EVX2: variants seen among roughly 807,000 people sequenced by gnomAD.
The protein encoded by EVX2 is even-skipped homeobox 2, also known as homeobox even-skipped homolog protein 2.
In EVX2, 10 loss-of-function variants were observed where a neutral mutation model predicts 19.2. The ratio of observed to expected loss-of-function variants is 0.52; its 90% CI spans 0.32 to 0.89. The LOEUF (loss-of-function observed/expected upper bound fraction) is 0.89. Ranked by LOEUF, EVX2 falls within the 40% of genes least tolerant of loss-of-function variation. The pLI, the probability that EVX2 is intolerant of heterozygous loss-of-function variation, is 0.03. For synonymous variants in EVX2, 354 were observed against 328.4 expected, an observed-to-expected ratio of 1.08 and a Z score of -0.84; for missense variants, 710 against 694.9, an observed-to-expected ratio of 1.02 and a Z score of -0.24.
chr2:176,078,486 T>C lies in EVX2; in HGVS notation c.*1621A>G, dbSNP rs1203686445. The C allele has an allele frequency of 6.6e-6, 1 of 152,192 alleles. No individual in the cohort carries two copies. The highest frequency in any genetic ancestry group is 1.5e-5 in the Non-Finnish European group (1 of 68,036). The allele number at this position is 152,192 out of a possible 1,614,324, so 9.4% of individuals were successfully genotyped here. A position where few individuals can be genotyped will look rare whatever the true frequency, so the allele number is the denominator to read the frequency against. ...CTCTGCGGGGAGCATTATGGAAATA[T>C]CTGGGCTTGATTTAATGAGGCTGTT... On this transcript the variant is annotated 3_prime_UTR_variant, in exon 3 of 3. Transcript: ENST00000308618.
At position 176,081,085 on chromosome 2, in the gene EVX2, A is replaced by G. The variant is rs1689140897; in HGVS notation, c.700-247T>C. 1.3e-5 allele frequency among the ~76,000 whole-genome samples: 2 copies of G among 152,098 alleles called. No homozygotes were observed. Among genetic ancestry groups the G allele is most frequent in the Admixed American group, 6.5e-5 (1 of 15,276 alleles). ...CCGCGTCCGGCTGCTGCTGCTCCTC[A>G]GGCTTTTATTCCCTTACTTCTTGCT... On this transcript the variant is annotated intron_variant, in intron 2 of 2. Transcript: ENST00000308618. The surrounding 1 kb of genome is among the most constrained non-coding windows in gnomAD (Gnocchi z 5.9).
rs1689117748 is a variant in EVX2, at chr2:176,080,282, C to T, written c.1256G>A (p.Gly419Asp). 4 of 1,302,270 alleles carry T rather than the reference C, an allele frequency of 3.1e-6. No individual in the cohort carries two copies. Among genetic ancestry groups the T allele is most frequent in the Non-Finnish European group, 3.9e-6 (4 of 1,023,696 alleles). The allele number at this position is 1,302,270 out of a possible 1,614,324, so 80.7% of individuals were successfully genotyped here. Reference sequence around the variant, plus strand: ...CCCGCCGCCGCCGCCACCACCACCACCGCCGCCGCCACCGCCACCCCGGGA... The same window carrying T: ...CCCGCCGCCGCCGCCACCACCACCATCGCCGCCGCCACCGCCACCCCGGGA... ...LGSRGGGGGG[G>D]GGGGGGGGGA... Residue 419 changes from glycine (G) to aspartate (D), a missense_variant, in exon 3 of 3, where the codon GGT becomes GAT. By Grantham distance (94) the Gly-to-Asp change is moderately conservative. Coordinates refer to ENST00000308618, the MANE Select transcript of EVX2 (RefSeq NM_001080458.2). This position sits in a 1 kb window ranked among gnomAD's most constrained non-coding sequence, Gnocchi z 7.0.
chr2:176,079,999 G>A lies in EVX2; in HGVS notation c.*108C>T. 1 of 1,238,996 alleles carries A rather than the reference G, an allele frequency of 8.1e-7. No individual in the cohort carries two copies. Among genetic ancestry groups the A allele is most frequent in the Non-Finnish European group, 1.0e-6 (1 of 972,936 alleles). 76.8% of individuals were successfully genotyped at this position (1,238,996 alleles called of 1,614,324 possible). A position where few individuals can be genotyped will look rare whatever the true frequency, so the allele number is the denominator to read the frequency against. ...CCTCCCGCGCCCCGGGGCGCCCCCT[G>A]GCGGCAGCGGCAGCAGCGGGCAACG... is the stretch of plus-strand genomic sequence containing the variant. On this transcript the variant is annotated 3_prime_UTR_variant, in exon 3 of 3. Transcript: ENST00000308618. The surrounding 1 kb of genome is among the most constrained non-coding windows in gnomAD (Gnocchi z 4.4).
chr2:176,083,434 T>A lies in EVX2; in HGVS notation c.343A>T (p.Ser115Cys). The change falls in exon 1 of 3, where the codon AGC becomes TGC. Residue 115 changes from serine (S) to cysteine (C), a missense_variant. Ser to Cys is a moderately radical substitution (Grantham distance 112). Transcript: ENST00000308618. The surrounding 1 kb of genome is among the most constrained non-coding windows in gnomAD (Gnocchi z 4.4). ...YSEAAAEADM[S>C]SDVEVGCSAL... The stretch of plus-strand genomic sequence containing the variant: ...GAGCAGCCCACCTCCACGTCGCTGC[T>A]CATGTCGGCCTCAGCGGCCGCCTCT... 1 of 1,613,954 alleles carries A rather than the reference T, an allele frequency of 6.2e-7. No homozygotes were observed.
In EVX2 at chr2:176,080,103, G is replaced by C. The variant is rs1689109278; in HGVS notation, c.*4C>G. On this transcript the variant is annotated 3_prime_UTR_variant, in exon 3 of 3. Coordinates refer to ENST00000308618, the MANE Select transcript of EVX2 (RefSeq NM_001080458.2). The surrounding 1 kb of genome is among the most constrained non-coding windows in gnomAD (Gnocchi z 7.0). ...GGCGCGGCCCCCTGGCGGTGGCGAC[G>C]TAGTTATCTGGTGAGCGGAGCCTCG... 6.5e-7 allele frequency: 1 copy of C among 1,534,776 alleles called. No individual in the cohort carries two copies. The highest frequency in any genetic ancestry group is 8.7e-7 in the Non-Finnish European group (1 of 1,144,952).
Position 176,083,019 on chromosome 2 carries a change from CT to C in EVX2, c.427+330del, listed in dbSNP as rs1200460817. ...AGTTCAGAGTAGTTGCCCAGGGTAC[CT>C]TTCCCAAAAGCAACTCGGCTGCTGA... is the stretch of plus-strand genomic sequence containing the variant. On this transcript the variant is annotated intron_variant, in intron 1 of 2. Transcript: ENST00000308618. This position sits in a 1 kb window ranked among gnomAD's most constrained non-coding sequence, Gnocchi z 4.4. Among the ~76,000 whole-genome samples, 1 of 152,248 alleles carries C rather than the reference CT, an allele frequency of 6.6e-6. No individual in the cohort carries two copies. The highest frequency in any genetic ancestry group is 1.5e-5 in the Non-Finnish European group (1 of 68,044).
Position 176,083,366 on chromosome 2 carries a change from C to T in EVX2, c.411G>A (p.Lys137=), listed in dbSNP as rs1211164771. 1.3e-5 allele frequency: 21 copies of T among 1,597,436 alleles called. No homozygotes were observed. Among genetic ancestry groups the T allele is most frequent in the Non-Finnish European group, 1.8e-5 (21 of 1,171,494 alleles). Residue 137 remains lysine, a synonymous_variant, in exon 1 of 3, where the codon AAG becomes AAA. Transcript: ENST00000308618. This position sits in a 1 kb window ranked among gnomAD's most constrained non-coding sequence, Gnocchi z 4.4. ...CGCGGTTACCTTTGCCATTGTTTTC[C>T]TTAAGCTGAGCGGCGCCGAGGCCCC... is the stretch of plus-strand genomic sequence containing the variant. ...SPGGLGAAQL[K]ENNGKGYAES... is the part of the protein sequence containing the mutation.
Position 176,081,919 on chromosome 2 carries a change from G to A in EVX2, c.699+259C>T, listed in dbSNP as rs1013305823. 6.6e-6 allele frequency among the ~76,000 whole-genome samples: 1 copy of A among 152,228 alleles called. No individual in the cohort carries two copies. The highest frequency in any genetic ancestry group is 1.5e-5 in the Non-Finnish European group (1 of 68,040). On this transcript the variant is annotated intron_variant, in intron 2 of 2. Coordinates refer to ENST00000308618, the MANE Select transcript of EVX2 (RefSeq NM_001080458.2). This position sits in a 1 kb window ranked among gnomAD's most constrained non-coding sequence, Gnocchi z 5.9. Reference sequence around the variant, plus strand: ...TGGGCGAGGGGGCATCTGGCCAGGCGTTGGGCACAATGGAGCAGGGGCGAG... The same window carrying A: ...TGGGCGAGGGGGCATCTGGCCAGGCATTGGGCACAATGGAGCAGGGGCGAG...
chr2:176,083,378 G>A lies in EVX2; in HGVS notation c.399C>T (p.Ala133=), dbSNP rs774210172. The change falls in exon 1 of 3, where the codon GCC becomes GCT. Residue 133 remains alanine, a synonymous_variant. Transcript: ENST00000308618. The surrounding 1 kb of genome is among the most constrained non-coding windows in gnomAD (Gnocchi z 4.4). ...TGCCATTGTTTTCCTTAAGCTGAGC[G>A]GCGCCGAGGCCCCCGGGGGAGCGAA... ...SALRSPGGLG[A]AQLKENNGKG... 5 of 1,606,100 alleles carry A rather than the reference G, an allele frequency of 3.1e-6. No individual in the cohort carries two copies. In the African/African-American group the frequency reaches 4.0e-5, roughly 13 times the overall value.
Position 176,082,549 on chromosome 2 carries a change from T to C in EVX2, c.428-100A>G. ...GGGGAAGCCCCGTCAGGAAGGAGAG[T>C]CGCTGCCGGAATTGATGGGGTCTGT... On this transcript the variant is annotated intron_variant, in intron 1 of 2. Coordinates refer to ENST00000308618, the MANE Select transcript of EVX2 (RefSeq NM_001080458.2). The surrounding 1 kb of genome is among the most constrained non-coding windows in gnomAD (Gnocchi z 5.2). 1 of 1,387,720 alleles carries C rather than the reference T, an allele frequency of 7.2e-7. No individual in the cohort carries two copies. Among genetic ancestry groups the C allele is most frequent in the South Asian group, 1.5e-5 (1 of 68,224 alleles). 86.0% of individuals were successfully genotyped at this position (1,387,720 alleles called of 1,614,324 possible).
In EVX2 at chr2:176,081,189, C is replaced by CA. The variant is rs1689143429; in HGVS notation, c.700-352dup. On this transcript the variant is annotated intron_variant, in intron 2 of 2. Coordinates refer to ENST00000308618, the MANE Select transcript of EVX2 (RefSeq NM_001080458.2). This position sits in a 1 kb window ranked among gnomAD's most constrained non-coding sequence, Gnocchi z 5.9. ...CCGGTCTCGCTGAGCACCCGTCTCT[C>CA]AATCCCAGGATTTGTACGGGGATTC... Among the ~76,000 whole-genome samples, 1 of 152,204 alleles carries CA rather than the reference C, an allele frequency of 6.6e-6. No homozygotes were observed. The highest frequency in any genetic ancestry group is 2.1e-4 in the South Asian group (1 of 4,828).
In EVX2 at chr2:176,080,065, A is replaced by C. The variant is rs1448828040; in HGVS notation, c.*42T>G. 6.6e-7 allele frequency: 1 copy of C among 1,510,510 alleles called. No individual in the cohort carries two copies. The highest frequency in any genetic ancestry group is 8.9e-7 in the Non-Finnish European group (1 of 1,129,082). The allele number at this position is 1,510,510 out of a possible 1,614,324, so 93.6% of individuals were successfully genotyped here. A position where few individuals can be genotyped will look rare whatever the true frequency, so the allele number is the denominator to read the frequency against. ...GGGCGCACAGGGGACTCCCGGGCAC[A>C]CTCAGAGAGGCGGGCGCGGCCCCCT... On this transcript the variant is annotated 3_prime_UTR_variant, in exon 3 of 3. Coordinates refer to ENST00000308618, the MANE Select transcript of EVX2 (RefSeq NM_001080458.2). This position sits in a 1 kb window ranked among gnomAD's most constrained non-coding sequence, Gnocchi z 7.0.
chr2:176,080,099 C>A lies in EVX2; in HGVS notation c.*8G>T. 1.3e-6 allele frequency: 2 copies of A among 1,525,362 alleles called. No individual in the cohort carries two copies. The highest frequency in any genetic ancestry group is 1.2e-5 in the South Asian group (1 of 80,738). 94.5% of individuals were successfully genotyped at this position (1,525,362 alleles called of 1,614,324 possible). A position where few individuals can be genotyped will look rare whatever the true frequency, so the allele number is the denominator to read the frequency against. On this transcript the variant is annotated 3_prime_UTR_variant, in exon 3 of 3. Coordinates refer to ENST00000308618, the MANE Select transcript of EVX2 (RefSeq NM_001080458.2). The surrounding 1 kb of genome is among the most constrained non-coding windows in gnomAD (Gnocchi z 7.0). ...GGCGGGCGCGGCCCCCTGGCGGTGG[C>A]GACGTAGTTATCTGGTGAGCGGAGC...
Position 176,083,635 on chromosome 2 carries a change from G to T in EVX2, c.142C>A (p.Arg48Ser), listed in dbSNP as rs777245036. Reference protein sequence around the residue: ...EALENSQHPARLSPRLPSAPL... With the variant: ...EALENSQHPASLSPRLPSAPL... ...GCAGACGGCAGGCGCGGGCTTAGGC[G>T]AGCCGGGTGCTGCGAATTTTCCAGG... The change falls in exon 1 of 3, where the codon CGC becomes AGC. Residue 48 changes from arginine to serine, a missense_variant. By Grantham distance (110) the Arg-to-Ser change is moderately radical. Coordinates refer to ENST00000308618, the MANE Select transcript of EVX2 (RefSeq NM_001080458.2). This position sits in a 1 kb window ranked among gnomAD's most constrained non-coding sequence, Gnocchi z 4.4. 8 of 1,614,062 alleles carry T rather than the reference G, an allele frequency of 5.0e-6. No homozygotes were observed. The highest frequency in any genetic ancestry group is 5.9e-6 in the Non-Finnish European group (7 of 1,180,060).
chr2:176,082,289 G>A lies in EVX2; in HGVS notation c.588C>T (p.Thr196=). The A allele has an allele frequency of 6.2e-7, 1 of 1,601,482 alleles. No individual in the cohort carries two copies. Among genetic ancestry groups the A allele is most frequent in the Non-Finnish European group, 8.5e-7 (1 of 1,178,644 alleles). ...TCTCCAGGCGCGCGATCTGCTCGCG[G>A]GTGAACGCCGTACGGTAGCGCCGCA... is the stretch of plus-strand genomic sequence containing the variant. ...DQVRRYRTAF[T]REQIARLEKE... The change falls in exon 2 of 3, where the codon ACC becomes ACT. Residue 196 remains threonine (T), a synonymous_variant. Transcript: ENST00000308618. This position sits in a 1 kb window ranked among gnomAD's most constrained non-coding sequence, Gnocchi z 5.2.
chr2:176,080,236 G>A lies in EVX2; in HGVS notation c.1302C>T (p.Gly434=). Residue 434 remains glycine (G), a synonymous_variant, in exon 3 of 3, where the codon GGC becomes GGT. Coordinates refer to ENST00000308618, the MANE Select transcript of EVX2 (RefSeq NM_001080458.2). This position sits in a 1 kb window ranked among gnomAD's most constrained non-coding sequence, Gnocchi z 7.0. ...GGGGGAGAGG[G]SDFGCSAAAP... Reference sequence around the variant, plus strand: ...CCGCCGCGCTGCAGCCGAAGTCCGAGCCTCCCCCGGCCCCGGCGCCCCCGC... The same window carrying A: ...CCGCCGCGCTGCAGCCGAAGTCCGAACCTCCCCCGGCCCCGGCGCCCCCGC... 1 of 1,392,712 alleles carries A rather than the reference G, an allele frequency of 7.2e-7. No homozygotes were observed. The highest frequency in any genetic ancestry group is 9.3e-7 in the Non-Finnish European group (1 of 1,069,866). 86.3% of individuals were successfully genotyped at this position (1,392,712 alleles called of 1,614,324 possible).
Position 176,080,285 on chromosome 2 carries a change from C to A in EVX2, c.1253G>T (p.Gly418Val). Residue 418 changes from glycine to valine, a missense_variant, in exon 3 of 3, where the codon GGC (glycine) becomes GTC (valine). By Grantham distance (109) the Gly-to-Val change is moderately radical (BLOSUM62 -3). Transcript: ENST00000308618. This position sits in a 1 kb window ranked among gnomAD's most constrained non-coding sequence, Gnocchi z 7.0. ...GCCGCCGCCGCCACCACCACCACCG[C>A]CGCCGCCACCGCCACCCCGGGAACC... ...ALGSRGGGGGGGGGGGGGGGG... is the reference protein window; with the variant it reads ...ALGSRGGGGGVGGGGGGGGGG... 1 of 1,303,732 alleles carries A rather than the reference C, an allele frequency of 7.7e-7. No individual in the cohort carries two copies. The allele number at this position is 1,303,732 out of a possible 1,614,324, so 80.8% of individuals were successfully genotyped here.
chr2:176,083,487 T>C lies in EVX2; in HGVS notation c.290A>G (p.Glu97Gly). 1 of 1,614,162 alleles carries C rather than the reference T, an allele frequency of 6.2e-7. No individual in the cohort carries two copies. The highest frequency in any genetic ancestry group is 2.2e-5 in the East Asian group (1 of 44,862). Reference sequence around the variant, plus strand: ...ATAATGGCCCGGCTTCTTGCGGCTCTCGGCGGCGGAGGAGATTTCGGAGGA... The same window carrying C: ...ATAATGGCCCGGCTTCTTGCGGCTCCCGGCGGCGGAGGAGATTTCGGAGGA... ...TVSSEISSAA[E>G]SRKKPGHYSE... The change falls in exon 1 of 3, where the codon GAG becomes GGG. Residue 97 changes from glutamate to glycine, a missense_variant. Glu to Gly is a moderately conservative substitution (Grantham distance 98, BLOSUM62 -2). Transcript: ENST00000308618. The surrounding 1 kb of genome is among the most constrained non-coding windows in gnomAD (Gnocchi z 4.4).
Position 176,079,905 on chromosome 2 carries a change from T to G in EVX2, c.*202A>C. ...GTGGCAAATACAAAAATAGAAATAATTTAGGGGGATGCCCGCCAGGCTTTT... is the reference window on the plus strand; with the variant it reads ...GTGGCAAATACAAAAATAGAAATAAGTTAGGGGGATGCCCGCCAGGCTTTT... On this transcript the variant is annotated 3_prime_UTR_variant, in exon 3 of 3. Transcript: ENST00000308618. This position sits in a 1 kb window ranked among gnomAD's most constrained non-coding sequence, Gnocchi z 4.4. 2.1e-6 allele frequency: 1 copy of G among 480,212 alleles called. No homozygotes were observed. The highest frequency in any genetic ancestry group is 3.4e-6 in the Non-Finnish European group (1 of 290,064). 29.7% of individuals were successfully genotyped at this position (480,212 alleles called of 1,614,324 possible).
Sources: allele counts gnomAD v4.1 joint callset (sites outside exome capture counted in the v4.1 genomes callset), GRCh38; gene constraint gnomAD v4.1.1; non-coding constraint Gnocchi (gnomAD v3.1); transcripts MANE v1.5; gene names NCBI Gene and HGNC (gene_info 2026-07-23, HGNC 2026-07-21).